TMEFF2: variants seen among roughly 807,000 people sequenced by gnomAD.
TMEFF2 encodes tomoregulin-2.
TMEFF2 carries 28 observed loss-of-function variants against 53.8 expected under a neutral mutation model. That is an observed-to-expected ratio of 0.52 (90% CI 0.39 to 0.71). TMEFF2 has a LOEUF of 0.71. Ranked by LOEUF, TMEFF2 falls within the 30% of genes least tolerant of loss-of-function variation. TMEFF2 has a pLI of 0.00. For missense variants in TMEFF2, 353 were observed against 455.2 expected (o/e 0.78, Z 2.04); for synonymous variants, 162 against 166.3 (o/e 0.97, Z 0.20).
At chr2:192,115,992 C>T (rs1689394878) in intron 4 of TMEFF2, among the ~76,000 whole-genome samples, 1 of 151,922 alleles carries the variant, frequency 6.6e-6, no homozygotes, top group Non-Finnish European at 1.5e-5. Flanking sequence ...GGGTATATAC[C>T]AGAGGAAATT....
At chr2:191,968,252 G>A (rs1692524483) in intron 7 of TMEFF2, among the ~76,000 whole-genome samples, 1 of 152,144 alleles carries the variant, frequency 6.6e-6, no homozygotes, top group African/African-American at 2.4e-5. Context: ...AGGAGCATTG[G>A]GCCACTGGTG....
chr2:192,046,073 T>C (rs1023412511), intron 5 of TMEFF2, among the ~76,000 whole-genome samples: 3 of 152,168 alleles, frequency 2.0e-5, no homozygotes, highest in African/African-American at 7.2e-5. Flanking sequence ...GCTGGCTTGA[T>C]AGAGTGGTGG....
At chr2:192,019,417 C>A (rs1433370851) in intron 5 of TMEFF2, among the ~76,000 whole-genome samples, 1 of 151,624 alleles carries the variant, frequency 6.6e-6, no homozygotes, top group Non-Finnish European at 1.5e-5. Flanking sequence ...TTTGGCTAAA[C>A]AATTTAAATA....
At chr2:192,022,555 TG>T (rs1242186254) in intron 5 of TMEFF2, among the ~76,000 whole-genome samples, 1 of 152,232 alleles carries the variant, frequency 6.6e-6, no homozygotes, top group Non-Finnish European at 1.5e-5. Context: ...TTTGTTTCTT[TG>T]GTAGAACCCT....
At position 191,950,238 on chromosome 2, in the gene TMEFF2, A is replaced by T; in HGVS notation, c.*73T>A. 2 of 1,399,308 alleles carry T rather than the reference A, an allele frequency of 1.4e-6. No homozygotes were observed. The highest frequency in any genetic ancestry group is 9.4e-7 in the Non-Finnish European group (1 of 1,065,966). The allele number at this position is 1,399,308 out of a possible 1,614,324, so 86.7% of individuals were successfully genotyped here. On this transcript the variant is annotated 3_prime_UTR_variant, in exon 10 of 10. Transcript: ENST00000272771. ...GCAACATGTGTAGATCTCTTGTCTT[A>T]TTCTTTTGTCTATAATACTGTATTG...
intron 7 of TMEFF2, among the ~76,000 whole-genome samples, chr2:191,991,175 CA>C (rs1482573419): frequency 2.0e-5 from 3 of 151,926 alleles, no homozygotes; most frequent in Non-Finnish European, 4.4e-5. Context: ...AATAAGTATT[CA>C]ATAAATATTT....
At chr2:192,008,311 C>T (rs183026849) in intron 5 of TMEFF2, among the ~76,000 whole-genome samples, 2 of 152,248 alleles carry the variant, frequency 1.3e-5, no homozygotes, top group Admixed American at 1.3e-4. Flanking sequence ...CTCCCACGTC[C>T]CTCTTCAGTG....
At chr2:192,103,658 A>G (rs944756711) in intron 4 of TMEFF2, among the ~76,000 whole-genome samples, 5 of 152,090 alleles carry the variant, frequency 3.3e-5, no homozygotes, top group African/African-American at 1.2e-4. Flanking sequence ...TAAAGAACCT[A>G]GTAGAATGCT....
intron 4 of TMEFF2, among the ~76,000 whole-genome samples, chr2:192,119,044 C>A (rs770763383): frequency 4.6e-5 from 7 of 152,038 alleles, no homozygotes; most frequent in African/African-American, 9.7e-5. Flanking sequence ...AATGTTTAAT[C>A]TCTGCTTTTG....
At chr2:192,139,358 T>C (rs1246782565) in intron 4 of TMEFF2, among the ~76,000 whole-genome samples, 1 of 152,170 alleles carries the variant, frequency 6.6e-6, no homozygotes, top group African/African-American at 2.4e-5. Context: ...TTCTCTCCAC[T>C]GGGAAAATTA....
At chr2:192,061,923 G>C (rs530825825) in intron 4 of TMEFF2, among the ~76,000 whole-genome samples, 1 of 152,238 alleles carries the variant, frequency 6.6e-6, no homozygotes, top group East Asian at 1.9e-4. Flanking sequence ...TGAGTAAAAA[G>C]CTCCCTGAGG....
At position 192,092,443 on chromosome 2, in the gene TMEFF2, A is replaced by G. The variant is rs561829792; in HGVS notation, c.440-34668T>C. ...GGTGACTATAAAAACTGCCAAAAAA[A>G]TGATGTTCCATATTTTACAGGGATC... On this transcript the variant is annotated intron_variant, in intron 4 of 9. Coordinates refer to ENST00000272771, the MANE Select transcript of TMEFF2 (RefSeq NM_016192.4). 3.6e-4 allele frequency among the ~76,000 whole-genome samples: 55 copies of G among 152,296 alleles called. 1 individual carries two copies. The Middle Eastern group carries it at 0.014, about 38-fold the overall frequency.
intron 4 of TMEFF2, among the ~76,000 whole-genome samples, chr2:192,075,328 T>TATATATATATATATATATATATATAC: frequency 1.1e-5 from 1 of 90,752 alleles, no homozygotes; most frequent in South Asian, 3.3e-4. Flanking sequence ...TATATATATA[T>TATATATATATATATATATATATATAC]ATATACATAC....
chr2:192,183,187 T>C (rs2106038673), intron 3 of TMEFF2, among the ~76,000 whole-genome samples: 1 of 152,156 alleles, frequency 6.6e-6, no homozygotes, highest in East Asian at 1.9e-4. Flanking sequence ...AAAACATCAT[T>C]GGCCATGAGA....
rs200622061 is a variant in TMEFF2, at chr2:191,968,255, C to T, written c.746-11877G>A. On this transcript the variant is annotated intron_variant, in intron 7 of 9. Coordinates refer to ENST00000272771, the MANE Select transcript of TMEFF2 (RefSeq NM_016192.4). ...AGATGAGAGTAAAGGAGCATTGGGC[C>T]ACTGGTGATATCTATATCAGCTCAG... is the stretch of plus-strand genomic sequence containing the variant. 5.3e-5 allele frequency among the ~76,000 whole-genome samples: 8 copies of T among 152,104 alleles called. No homozygotes were observed. The East Asian group carries it at 9.6e-4, about 18-fold the overall frequency.
chr2:192,003,202 C>T (rs1292412394), intron 5 of TMEFF2, among the ~76,000 whole-genome samples: 3 of 152,096 alleles, frequency 2.0e-5, no homozygotes, highest in Middle Eastern at 3.2e-3. Context: ...AGAAAGGTTG[C>T]TATTCTAAAA....
At position 192,182,507 on chromosome 2, in the gene TMEFF2, A is replaced by G. The variant is rs768154364; in HGVS notation, c.412+1847T>C. 6.6e-5 allele frequency among the ~76,000 whole-genome samples: 10 copies of G among 151,990 alleles called. No homozygotes were observed. The South Asian group carries it at 8.3e-4, about 13-fold the overall frequency. ...GATTAAATTTTCTACTTGGCTAAGTATTTATTTTCATAGTATAACCAGCAC... is the reference window on the plus strand; with the variant it reads ...GATTAAATTTTCTACTTGGCTAAGTGTTTATTTTCATAGTATAACCAGCAC... On this transcript the variant is annotated intron_variant, in intron 3 of 9. Coordinates refer to ENST00000272771, the MANE Select transcript of TMEFF2 (RefSeq NM_016192.4).
intron 7 of TMEFF2, among the ~76,000 whole-genome samples, chr2:191,963,258 CTAAGAATA>C (rs1476186618): frequency 1.3e-5 from 2 of 152,136 alleles, no homozygotes; most frequent in Admixed American, 1.3e-4. Flanking sequence ...CCATTTTATG[CTAAGAATA>C]TATTTATTCT....
intron 4 of TMEFF2, among the ~76,000 whole-genome samples, chr2:192,074,719 C>A (rs1688366865): frequency 6.6e-6 from 1 of 151,886 alleles, no homozygotes; most frequent in Non-Finnish European, 1.5e-5. Context: ...GTGAACATGT[C>A]CATTAACACA....
Sources: allele counts gnomAD v4.1 joint callset (sites outside exome capture counted in the v4.1 genomes callset), GRCh38; gene constraint gnomAD v4.1.1; transcripts MANE v1.5; gene names NCBI Gene and HGNC (gene_info 2026-07-23, HGNC 2026-07-21).